The following EPB41L4B variants were observed in gnomAD, a reference collection of about 807,000 sequenced individuals.
EPB41L4B encodes the protein band 4.1-like protein 4B.
Under a neutral mutation model 112.5 loss-of-function variants are expected in EPB41L4B, and 30 were observed. The ratio of observed to expected loss-of-function variants is 0.27; its 90% CI spans 0.20 to 0.36. The LOEUF (loss-of-function observed/expected upper bound fraction) is 0.36, where lower values mean the gene tolerates loss of function less well. Among genes scored for constraint, EPB41L4B ranks in the 10% least tolerant of loss-of-function variants. The pLI is 1.00. For synonymous variants in EPB41L4B, 408 were observed against 439.7 expected (o/e 0.93, Z 0.90); for missense variants, 1,024 against 1,133.3 (o/e 0.90, Z 1.38).
chr9:109,310,608 C>T (rs946014429), intron 1 of EPB41L4B, among the ~76,000 whole-genome samples: 3 of 152,296 alleles, frequency 2.0e-5, no homozygotes, highest in South Asian at 4.1e-4. Context: ...CCACACACCC[C>T]CAAACGAAGC....
At chr9:109,183,456 C>A (rs1490087390) in intron 23 of EPB41L4B, among the ~76,000 whole-genome samples, 1 of 152,112 alleles carries the variant, frequency 6.6e-6, no homozygotes, top group African/African-American at 2.4e-5. Context: ...ACCTGTAGTA[C>A]TGAGCTAGTC....
chr9:109,309,522 T>C (rs756165373), intron 1 of EPB41L4B, among the ~76,000 whole-genome samples: 5 of 151,716 alleles, frequency 3.3e-5, no homozygotes, highest in Non-Finnish European at 7.4e-5. Flanking sequence ...GTGAGAAAAA[T>C]ACAACTCCAC....
At chr9:109,218,126 CTTTTTTTT>C (rs10654240) in intron 15 of EPB41L4B, among the ~76,000 whole-genome samples, 5 of 106,554 alleles carry the variant, frequency 4.7e-5, no homozygotes, top group South Asian at 3.2e-4. Context: ...ACTAATAATT[CTTTTTTTT>C]TTTTTTTTTT....
chr9:109,180,828 C>G (rs1453739364), intron 24 of EPB41L4B, among the ~76,000 whole-genome samples: 1 of 152,142 alleles, frequency 6.6e-6, no homozygotes, highest in African/African-American at 2.4e-5. Flanking sequence ...GGGAGGAGGA[C>G]AGAGTGAGAG....
At chr9:109,256,051 G>T in intron 9 of EPB41L4B, 85 bp downstream of exon 9, 1 of 1,302,292 alleles carries the variant, frequency 7.7e-7, no homozygotes. Flanking sequence ...GGGTGTTGCA[G>T]ATACCCCTCA....
rs1350457950 is a variant in EPB41L4B at position 109,255,555 on chromosome 9, G to A, written c.1125C>T (p.Ser375=). ...CCAGCCTGATAAAGTCGGATCTATT[G>A]GATTTGCTGTTTCCTGGCGTCCGCA... ...FRLRTPGNSK[S]NRSDFIRLGS... The change falls in exon 11 of 26, where the codon TCC becomes TCT. Residue 375 remains serine, a synonymous_variant. Transcript: ENST00000374566. The A allele has an allele frequency of 6.2e-7, 1 of 1,614,228 alleles. No individual in the cohort carries two copies. Among genetic ancestry groups the A allele is most frequent in the Admixed American group, 1.7e-5 (1 of 60,030 alleles).
intron 5 of EPB41L4B, among the ~76,000 whole-genome samples, chr9:109,264,178 T>C (rs1055970357): frequency 2.0e-5 from 3 of 152,242 alleles, no homozygotes; most frequent in South Asian, 2.1e-4. Context: ...TATTGGTCTA[T>C]GGAGTACATT....
At chr9:109,216,653 AAAAAAAAAAG>A (rs1490474563) in intron 16 of EPB41L4B, among the ~76,000 whole-genome samples, 3 of 151,284 alleles carry the variant, frequency 2.0e-5, no homozygotes, top group African/African-American at 7.3e-5. Flanking sequence ...ATCTCAAAAA[AAAAAAAAAAG>A]AAAAGAAAAA....
chr9:109,271,154 A>G (rs758733157), intron 2 of EPB41L4B, among the ~76,000 whole-genome samples: 8 of 152,230 alleles, frequency 5.3e-5, no homozygotes, highest in Non-Finnish European at 7.3e-5. Flanking sequence ...GGCAGACCAC[A>G]GCCAGATGCT....
At chr9:109,204,005 T>G (rs1386487585) in intron 18 of EPB41L4B, among the ~76,000 whole-genome samples, 1 of 152,240 alleles carries the variant, frequency 6.6e-6, no homozygotes, top group Non-Finnish European at 1.5e-5. Context: ...AGCTCATGCT[T>G]GAATTAGAAA....
chr9:109,252,037 C>A (rs1054945095), intron 12 of EPB41L4B, among the ~76,000 whole-genome samples: 3 of 152,046 alleles, frequency 2.0e-5, no homozygotes, highest in East Asian at 1.9e-4. Context: ...AGAACTCTGG[C>A]TGGAAAAAAG....
In EPB41L4B at chr9:109,312,893, G is replaced by C. The variant is rs538877336; in HGVS notation, c.306+7248C>G. ...CTGCTGTTCCCTCCACCCAGACACA[G>C]CTGAACTCCTACACATCCTTTGGGG... On this transcript the variant is annotated intron_variant, in intron 1 of 25. Coordinates refer to ENST00000374566, the MANE Select transcript of EPB41L4B (RefSeq NM_019114.5). Among the ~76,000 whole-genome samples, 12 of 152,158 alleles carry C rather than the reference G, an allele frequency of 7.9e-5. No individual in the cohort carries two copies. In the South Asian group the frequency reaches 2.5e-3, roughly 32 times the overall value.
chr9:109,205,319 T>C (rs567404115), intron 18 of EPB41L4B, among the ~76,000 whole-genome samples: 1 of 152,358 alleles, frequency 6.6e-6, no homozygotes, highest in South Asian at 2.1e-4. Flanking sequence ...TGTTCTTACC[T>C]ATTTGTCATC....
Position 109,320,848 on chromosome 9 carries a change from G to T in EPB41L4B, c.-402C>A, listed in dbSNP as rs1452978783. 6.8e-6 allele frequency: 1 copy of T among 146,468 alleles called. No homozygotes were observed. The highest frequency in any genetic ancestry group is 1.9e-4 in the South Asian group (1 of 5,196). The allele number at this position is 146,468 out of a possible 1,614,324, so 9.1% of individuals were successfully genotyped here. Reference sequence around the variant, plus strand: ...GCTGCTCCCGCGCCGCGCGCCGGCCGAGGGCCAGCCGGAGCAGGGCGCCTG... The same window carrying T: ...GCTGCTCCCGCGCCGCGCGCCGGCCTAGGGCCAGCCGGAGCAGGGCGCCTG... On this transcript the variant is annotated 5_prime_UTR_variant, in exon 1 of 26. Coordinates refer to ENST00000374566, the MANE Select transcript of EPB41L4B (RefSeq NM_019114.5).
chr9:109,185,604 G>A lies in EPB41L4B; in HGVS notation c.2303C>T (p.Ala768Val). 6.2e-7 allele frequency: 1 copy of A among 1,606,152 alleles called. No individual in the cohort carries two copies. The highest frequency in any genetic ancestry group is 8.5e-7 in the Non-Finnish European group (1 of 1,175,968). Residue 768 changes from alanine (A) to valine (V), a missense_variant and splice_region_variant, in exon 23 of 26, where the codon GCA becomes GTA. Coordinates refer to ENST00000374566, the MANE Select transcript of EPB41L4B (RefSeq NM_019114.5). ...ACAGTGGGGGTTGCTGGCGGGCTCT[G>A]CCTGCTCACGAGGAGAGGAGAGAAG... ...LMDFTEATPL[A>V]EPASNPHCAH...
intron 18 of EPB41L4B, among the ~76,000 whole-genome samples, chr9:109,204,997 G>A (rs975285492): frequency 3.3e-5 from 5 of 152,138 alleles, no homozygotes; most frequent in Middle Eastern, 3.2e-3. Context: ...CCCAAAGCAT[G>A]CTTCTGTGTT....
At chr9:109,246,805 A>G (rs1178363516) in intron 14 of EPB41L4B, among the ~76,000 whole-genome samples, 2 of 152,196 alleles carry the variant, frequency 1.3e-5, no homozygotes, top group Admixed American at 1.3e-4. Context: ...AAACAGCAAG[A>G]CGCCAGCCAT....
intron 21 of EPB41L4B, among the ~76,000 whole-genome samples, chr9:109,193,562 G>A (rs1267283583): frequency 6.6e-6 from 1 of 152,222 alleles, no homozygotes; most frequent in Non-Finnish European, 1.5e-5. Context: ...CCTGCCTCCT[G>A]CACGCACCTT....
At chr9:109,202,707 C>T (rs1832875963) in intron 19 of EPB41L4B, among the ~76,000 whole-genome samples, 1 of 152,154 alleles carries the variant, frequency 6.6e-6, no homozygotes, top group Non-Finnish European at 1.5e-5. Flanking sequence ...CTTTAAAGAA[C>T]ATGTGTAGGG....
Sources: allele counts gnomAD v4.1 joint callset (sites outside exome capture counted in the v4.1 genomes callset), GRCh38; gene constraint gnomAD v4.1.1; transcripts MANE v1.5; gene names NCBI Gene and HGNC (gene_info 2026-07-23, HGNC 2026-07-21).